The following MS4A15 variants were observed in gnomAD, a reference collection of about 807,000 sequenced individuals.
The protein encoded by MS4A15 is membrane-spanning 4-domains subfamily A member 15.
MS4A15 carries 22 observed loss-of-function variants against 20.6 expected under a neutral mutation model. That is an observed-to-expected ratio of 1.07 (90% confidence interval 0.76 to 1.52). The LOEUF (loss-of-function observed/expected upper bound fraction) is 1.52, where lower values mean the gene tolerates loss of function less well. Among genes scored for constraint, MS4A15 ranks in the 40% most tolerant of loss-of-function variants. The probability of loss-of-function intolerance (pLI) is 0.00; values close to 1 mark genes in which losing one functional copy is unlikely to be tolerated. For missense variants in MS4A15, 312 were observed against 323.0 expected (o/e 0.97, Z 0.26); for synonymous variants, 129 against 129.3 (o/e 1.00, Z 0.02).
At chr11:60,771,822 G>A in intron 4 of MS4A15, 1 of 1,182,322 alleles carries the variant, frequency 8.5e-7, no homozygotes. Context: ...GGGCTGGATT[G>A]TGGAGGGCTT....
At chr11:60,764,503 G>A (rs977945656) in intron 2 of MS4A15, among the ~76,000 whole-genome samples, 1 of 152,248 alleles carries the variant, frequency 6.6e-6, no homozygotes, top group African/African-American at 2.4e-5. Flanking sequence ...TTCAATCTCA[G>A]ATGGCCTTGA....
At chr11:60,763,546 C>A (rs1016100364) in intron 1 of MS4A15, among the ~76,000 whole-genome samples, 160 bp from the exon 2 acceptor site, 2 of 152,236 alleles carry the variant, frequency 1.3e-5, no homozygotes, top group African/African-American at 4.8e-5. Flanking sequence ...CCTCAGACAT[C>A]TTTCGCTTCT....
intron 1 of MS4A15, among the ~76,000 whole-genome samples, chr11:60,760,159 T>G (rs1033004735): frequency 6.6e-6 from 1 of 152,222 alleles, no homozygotes; most frequent in East Asian, 1.9e-4. Flanking sequence ...GGCTACCTGG[T>G]CCCTTATCAG....
chr11:60,765,903 G>A (rs1311746878), intron 2 of MS4A15, among the ~76,000 whole-genome samples: 1 of 150,454 alleles, frequency 6.6e-6, no homozygotes, highest in Non-Finnish European at 1.5e-5. Flanking sequence ...AAAAATTGAT[G>A]AGACAAACAA....
rs1036664589 is a variant in MS4A15, at chr11:60,775,725, G to A, written c.*10G>A. ...CCAAGGAGTCGTCTGAGTAGCAGAT[G>A]TGGCACCTGCGGGTGGAGTCCAGCC... is the stretch of plus-strand genomic sequence containing the variant. On this transcript the variant is annotated 3_prime_UTR_variant, in exon 7 of 7. Transcript: ENST00000405633. 3.7e-6 allele frequency: 6 copies of A among 1,607,826 alleles called. No individual in the cohort carries two copies. Among genetic ancestry groups the A allele is most frequent in the East Asian group, 2.2e-5 (1 of 44,808 alleles).
In MS4A15 at chr11:60,763,771, T is replaced by G. The variant is rs1853808216; in HGVS notation, c.38T>G (p.Val13Gly). The G allele has an allele frequency of 6.2e-7, 1 of 1,612,158 alleles. No homozygotes were observed. Among genetic ancestry groups the G allele is most frequent in the Admixed American group, 1.7e-5 (1 of 60,006 alleles). Residue 13 changes from valine to glycine, a missense_variant, in exon 2 of 7, where the codon GTC (valine) becomes GGC (glycine). Transcript: ENST00000405633. ...AAPASNGVFV[V>G]IPPNNASGLC... ...CCCGCCAGCAATGGAGTGTTTGTTG[T>G]CATCCCGCCAAACAACGCCAGTGGC... is the stretch of plus-strand genomic sequence containing the variant.
chr11:60,767,477 G>A lies in MS4A15; in HGVS notation c.226-56G>A. 7 of 1,416,368 alleles carry A rather than the reference G, an allele frequency of 4.9e-6. No individual in the cohort carries two copies. The South Asian group carries it at 6.2e-5, about 13-fold the overall frequency. The allele number at this position is 1,416,368 out of a possible 1,614,324, so 87.7% of individuals were successfully genotyped here. A position where few individuals can be genotyped will look rare whatever the true frequency, so the allele number is the denominator to read the frequency against. ...GGCCAGCCACGCTCTCCGCGGGGCC[G>A]GCAGGGGGCGGTGTGGAACAGGGCC... On this transcript the variant is annotated intron_variant, in intron 2 of 6. Transcript: ENST00000405633.
In MS4A15 at chr11:60,773,306, G is replaced by T. The variant is rs1389562567; in HGVS notation, c.406-86G>T. The T allele has an allele frequency of 4.5e-6, 5 of 1,121,656 alleles. No homozygotes were observed. The African/African-American group carries it at 7.7e-5, about 17-fold the overall frequency. The allele number at this position is 1,121,656 out of a possible 1,614,324, so 69.5% of individuals were successfully genotyped here. On this transcript the variant is annotated intron_variant, in intron 4 of 6. Coordinates refer to ENST00000405633, the MANE Select transcript of MS4A15 (RefSeq NM_001098835.2). ...CCTTGGCTGTGGGAGGCAGCGTGCT[G>T]GGGGCTGGGCAGCTGAGCCACAGCC...
At chr11:60,772,583 A>G (rs1854070793) in intron 4 of MS4A15, among the ~76,000 whole-genome samples, 4 of 152,190 alleles carry the variant, frequency 2.6e-5, no homozygotes, top group Admixed American at 2.6e-4. Context: ...GGCTGTTCTG[A>G]TCTCAATGAC....
intron 6 of MS4A15, among the ~76,000 whole-genome samples, chr11:60,775,274 G>A (rs1462548901): frequency 2.7e-5 from 4 of 150,734 alleles, no homozygotes; most frequent in Admixed American, 6.6e-5. Context: ...CCGAGATCAC[G>A]CCATTGCACT....
chr11:60,771,608 A>G, intron 4 of MS4A15: 1 of 1,490,308 alleles, frequency 6.7e-7, no homozygotes, highest in Non-Finnish European at 8.9e-7. Flanking sequence ...GAGAAAGGAA[A>G]GATGCTAGAA....
intron 1 of MS4A15, among the ~76,000 whole-genome samples, chr11:60,757,670 G>A (rs1853628095): frequency 6.6e-6 from 1 of 152,134 alleles, no homozygotes; most frequent in African/African-American, 2.4e-5. Context: ...CGTTGGCCCC[G>A]TTCAGGCAAT....
At position 60,773,488 on chromosome 11, in the gene MS4A15, C is replaced by T. The variant is rs199752508; in HGVS notation, c.498+4C>T. The T allele has an allele frequency of 1.9e-4, 305 of 1,613,094 alleles. No homozygotes were observed. Among genetic ancestry groups the T allele is most frequent in the Middle Eastern group, 1.0e-3 (6 of 6,004 alleles). ...GGATTTTGGTGTTACCAACCGGGTG[C>T]GTTGTCAGATGGCCCTCGGGGTGGG... On this transcript the variant is annotated splice_donor_region_variant and intron_variant, in intron 5 of 6. Transcript: ENST00000405633.
At position 60,775,834 on chromosome 11, in the gene MS4A15, T is replaced by G; in HGVS notation, c.*119T>G. 1 of 694,460 alleles carries G rather than the reference T, an allele frequency of 1.4e-6. No homozygotes were observed. Among genetic ancestry groups the G allele is most frequent in the South Asian group, 1.8e-5 (1 of 54,368 alleles). 43.0% of individuals were successfully genotyped at this position (694,460 alleles called of 1,614,324 possible). A position where few individuals can be genotyped will look rare whatever the true frequency, so the allele number is the denominator to read the frequency against. ...ATCCCAGCTGCCCTCCCTCACCACA[T>G]CTACACATACTCCGGCATCTGAGTG... On this transcript the variant is annotated 3_prime_UTR_variant, in exon 7 of 7. Transcript: ENST00000405633.
chr11:60,764,240 TG>T (rs1463803844), intron 2 of MS4A15, among the ~76,000 whole-genome samples: 1 of 152,128 alleles, frequency 6.6e-6, no homozygotes, highest in Non-Finnish European at 1.5e-5. Context: ...AACTTGTCTC[TG>T]GGGAGATGAC....
chr11:60,770,239 A>G (rs1853999569), intron 3 of MS4A15, among the ~76,000 whole-genome samples: 2 of 152,158 alleles, frequency 1.3e-5, no homozygotes, highest in South Asian at 4.1e-4. Flanking sequence ...TGACTTCATC[A>G]CAGCTCTTAG....
At chr11:60,760,450 C>A (rs951804354) in intron 1 of MS4A15, among the ~76,000 whole-genome samples, 2 of 148,282 alleles carry the variant, frequency 1.3e-5, no homozygotes, top group Non-Finnish European at 3.0e-5. Context: ...CAGTATCCAC[C>A]CTTTGGACGT....
chr11:60,773,287 C>G, intron 4 of MS4A15, 105 bp from the exon 5 acceptor site: 1 of 836,306 alleles, frequency 1.2e-6, no homozygotes, highest in Non-Finnish European at 1.9e-6. Context: ...GCCTCCTTGG[C>G]TGTGGGAGGC....
Position 60,771,336 on chromosome 11 carries a change from A to G in MS4A15, c.394A>G (p.Thr132Ala), listed in dbSNP as rs753340232. The G allele has an allele frequency of 8.1e-6, 13 of 1,613,888 alleles. No homozygotes were observed. The highest frequency in any genetic ancestry group is 1.1e-5 in the South Asian group (1 of 91,042). ...CTCAGTGGCAGCCGAGAAGAACCAC[A>G]CCAGTTGCCTGGTGAGTGTGAACAG... ...SLSVAAEKNH[T>A]SCLVRSSLGT... The change falls in exon 4 of 7, where the codon ACC becomes GCC. Residue 132 changes from threonine (T) to alanine (A), a missense_variant. By Grantham distance (58) the Thr-to-Ala change is moderately conservative. Coordinates refer to ENST00000405633, the MANE Select transcript of MS4A15 (RefSeq NM_001098835.2).
Sources: allele counts gnomAD v4.1 joint callset (sites outside exome capture counted in the v4.1 genomes callset), GRCh38; gene constraint gnomAD v4.1.1; transcripts MANE v1.5; gene names NCBI Gene and HGNC (gene_info 2026-07-23, HGNC 2026-07-21).